CALN1: variants seen among roughly 807,000 people sequenced by gnomAD.
CALN1 encodes calneuron 1, also known as calcium-binding protein 8.
CALN1 carries 17 observed loss-of-function variants against 30.6 expected under a neutral mutation model. The observed-to-expected ratio is 0.56, with a 90% confidence interval of 0.38 to 0.83. The LOEUF (loss-of-function observed/expected upper bound fraction) is 0.83. Among genes scored for constraint, CALN1 ranks in the 40% least tolerant of loss-of-function variants. CALN1 has a pLI of 0.00. For synonymous variants in CALN1, 156 were observed against 131.4 expected (o/e 1.19, Z -1.28); for missense variants, 291 against 354.9 (o/e 0.82, Z 1.45).
chr7:72,293,804 TAC>T (rs1478713103), intron 2 of CALN1, among the ~76,000 whole-genome samples: 1 of 152,028 alleles, frequency 6.6e-6, no homozygotes, highest in Non-Finnish European at 1.5e-5. Context: ...AGGTAGAAAA[TAC>T]AGTTTACCGG....
chr7:71,937,755 A>C (rs1228317015), intron 5 of CALN1, among the ~76,000 whole-genome samples: 1 of 152,230 alleles, frequency 6.6e-6, no homozygotes, highest in East Asian at 1.9e-4. Context: ...ATGGGATTAC[A>C]GGCATGAGCC....
At position 72,438,416 on chromosome 7, in the gene CALN1, C is replaced by A. The variant is rs148215035; in HGVS notation, c.-226+8626G>T. On this transcript the variant is annotated intron_variant, in intron 1 of 6. Coordinates refer to the CALN1 transcript ENST00000395276. ...AGATTACAGAAGTGAGCCACGGCAC[C>A]CAGCCTTGCCTGTATTTCTTGACTC... 5.2e-3 allele frequency among the ~76,000 whole-genome samples: 791 copies of A among 152,284 alleles called. 5 individuals carry two copies. Among genetic ancestry groups the A allele is most frequent in the African/African-American group, 0.016 (653 of 41,560 alleles).
intron 2 of CALN1, among the ~76,000 whole-genome samples, chr7:72,283,100 G>C (rs1303216455): frequency 6.6e-6 from 1 of 151,574 alleles, no homozygotes; most frequent in Non-Finnish European, 1.5e-5. Context: ...CAAAAACAGT[G>C]TTAGATTTGA....
At chr7:72,163,039 A>C (rs1788229724) in intron 3 of CALN1, among the ~76,000 whole-genome samples, 1 of 152,250 alleles carries the variant, frequency 6.6e-6, no homozygotes, top group South Asian at 2.1e-4. Flanking sequence ...GAAAGTGCTG[A>C]GCAGAGATTT....
chr7:71,884,295 C>T (rs113274404), intron 5 of CALN1, among the ~76,000 whole-genome samples: 139 of 152,254 alleles, frequency 9.1e-4, no homozygotes, highest in African/African-American at 3.0e-3. Flanking sequence ...TTGAAACATA[C>T]GCCTTAAGCA....
chr7:72,177,230 C>T (rs1367856407), intron 3 of CALN1, among the ~76,000 whole-genome samples: 1 of 152,052 alleles, frequency 6.6e-6, no homozygotes, highest in Admixed American at 6.6e-5. Flanking sequence ...CTGTGTAGCC[C>T]CTTCTTATTG....
the CALN1 span, among the ~76,000 whole-genome samples, chr7:72,469,492 G>A: frequency 6.6e-6 from 1 of 152,148 alleles, no homozygotes; most frequent in Non-Finnish European, 1.5e-5. Flanking sequence ...CACCTCCTGG[G>A]TTCAAGCAAT....
At chr7:72,240,525 G>A (rs775837600) in intron 3 of CALN1, among the ~76,000 whole-genome samples, 5 of 152,146 alleles carry the variant, frequency 3.3e-5, no homozygotes, top group Non-Finnish European at 7.3e-5. Context: ...CAAAGCCAGT[G>A]TCTAACAAAC....
chr7:72,114,678 G>A (rs1290267611), intron 3 of CALN1, among the ~76,000 whole-genome samples: 2 of 152,150 alleles, frequency 1.3e-5, no homozygotes, highest in African/African-American at 4.8e-5. Context: ...GAGCTACGAA[G>A]GCAGAGGGAA....
chr7:72,353,707 T>G (rs1562915986), intron 2 of CALN1, among the ~76,000 whole-genome samples: 1 of 152,006 alleles, frequency 6.6e-6, no homozygotes, highest in Non-Finnish European at 1.5e-5. Flanking sequence ...GCCAGTGAAA[T>G]AAGTCAATAA....
chr7:72,272,838 T>C (rs911908935), intron 3 of CALN1, among the ~76,000 whole-genome samples: 24 of 151,988 alleles, frequency 1.6e-4, no homozygotes, highest in Admixed American at 6.6e-5. Flanking sequence ...TTAAGCTCAT[T>C]TGGGGAACAC....
At chr7:72,440,621 G>A (rs1044335907) in intron 1 of CALN1, among the ~76,000 whole-genome samples, 1 of 152,232 alleles carries the variant, frequency 6.6e-6, no homozygotes, top group Non-Finnish European at 1.5e-5. Context: ...GAGGCCAGGA[G>A]TTCAAGATCA....
chr7:71,940,542 T>C (rs1796072350), intron 5 of CALN1, among the ~76,000 whole-genome samples: 1 of 152,212 alleles, frequency 6.6e-6, no homozygotes, highest in African/African-American at 2.4e-5. Flanking sequence ...TACTTTCCAA[T>C]ACCATGAAAC....
At chr7:72,407,342 C>G (rs1292245459) in intron 1 of CALN1, among the ~76,000 whole-genome samples, 1 of 152,198 alleles carries the variant, frequency 6.6e-6, no homozygotes, top group East Asian at 1.9e-4. Flanking sequence ...CCACCTGATA[C>G]GGTTTGGATT....
chr7:72,120,065 G>A (rs560088911), intron 3 of CALN1, among the ~76,000 whole-genome samples: 1 of 152,182 alleles, frequency 6.6e-6, no homozygotes, highest in Non-Finnish European at 1.5e-5. Flanking sequence ...CCCAGGTAGT[G>A]AGCATAGTGT....
chr7:72,331,942 A>C, intron 2 of CALN1, among the ~76,000 whole-genome samples: 1 of 152,222 alleles, frequency 6.6e-6, no homozygotes, highest in East Asian at 1.9e-4. Flanking sequence ...CTTATAAGTG[A>C]GAACATGCAG....
chr7:72,438,220 T>A (rs1351614140), intron 1 of CALN1, among the ~76,000 whole-genome samples: 1 of 152,142 alleles, frequency 6.6e-6, no homozygotes, highest in African/African-American at 2.4e-5. Context: ...CCTCAAGCAA[T>A]CCTCCTGCCT....
intron 5 of CALN1, among the ~76,000 whole-genome samples, chr7:71,863,557 C>CA (rs71531769): frequency 0.094 from 3,020 of 32,092 alleles, 420 homozygotes; most frequent in East Asian, 0.34. Flanking sequence ...AACTCCATCT[C>CA]AAAAAAAAAA....
chr7:72,159,523 C>T (rs1787952614), intron 3 of CALN1, among the ~76,000 whole-genome samples: 1 of 151,402 alleles, frequency 6.6e-6, no homozygotes, highest in Non-Finnish European at 1.5e-5. Flanking sequence ...CACAGCCAGG[C>T]ATAGTGGCTT....
Sources: allele counts gnomAD v4.1 joint callset (sites outside exome capture counted in the v4.1 genomes callset), GRCh38; gene constraint gnomAD v4.1.1; transcripts MANE v1.5; gene names NCBI Gene and HGNC (gene_info 2026-07-23, HGNC 2026-07-21).